The following EFNA5 variants were observed in gnomAD, a reference collection of about 807,000 sequenced individuals.
EFNA5 encodes ephrin A5.
Under a neutral mutation model 22.9 loss-of-function variants are expected in EFNA5, and 5 were observed. The observed-to-expected ratio is 0.22, with a 90% CI of 0.11 to 0.46. The LOEUF (loss-of-function observed/expected upper bound fraction) is 0.46, where lower values mean the gene tolerates loss of function less well. Among genes scored for constraint, EFNA5 ranks in the 20% least tolerant of loss-of-function variants. The pLI, the probability that EFNA5 is intolerant of heterozygous loss-of-function variation, is 0.99. For missense variants in EFNA5, 237 were observed against 293.3 expected (o/e 0.81, Z 1.40); for synonymous variants, 113 against 112.2 (o/e 1.01, Z -0.04).
At chr5:107,558,071 AT>A (rs1403505946) in intron 1 of EFNA5, among the ~76,000 whole-genome samples, 13 of 152,092 alleles carry the variant, frequency 8.5e-5, no homozygotes, top group Admixed American at 8.5e-4. Context: ...TGCTGTTATT[AT>A]TTTGCATTTT....
chr5:107,609,425 G>A (rs543357777), intron 1 of EFNA5, among the ~76,000 whole-genome samples: 1 of 151,982 alleles, frequency 6.6e-6, no homozygotes, highest in Non-Finnish European at 1.5e-5. Context: ...CCGTGACTTG[G>A]CCTCCTTTGA....
chr5:107,449,878 T>C (rs572954615), intron 1 of EFNA5, among the ~76,000 whole-genome samples: 1 of 152,282 alleles, frequency 6.6e-6, no homozygotes, highest in South Asian at 2.1e-4. Flanking sequence ...CAGGGAAAAT[T>C]TAAGATTTTG....
intron 2 of EFNA5, among the ~76,000 whole-genome samples, chr5:107,413,202 TTAA>T (rs1235779620): frequency 2.0e-5 from 3 of 152,088 alleles, no homozygotes; most frequent in Middle Eastern, 3.2e-3. Context: ...CTTTCAAAAC[TTAA>T]TAATACTTTT....
chr5:107,633,474 G>GC (rs1396996970), intron 1 of EFNA5, among the ~76,000 whole-genome samples: 1 of 152,212 alleles, frequency 6.6e-6, no homozygotes, highest in Non-Finnish European at 1.5e-5. Flanking sequence ...TGCCCTCACT[G>GC]CCGGGGCCCC....
intron 1 of EFNA5, among the ~76,000 whole-genome samples, chr5:107,624,314 G>T (rs1225209159): frequency 1.3e-5 from 2 of 152,140 alleles, no homozygotes; most frequent in Non-Finnish European, 2.9e-5. Flanking sequence ...CAATCAGACA[G>T]TGAGGAACAT....
intron 1 of EFNA5, among the ~76,000 whole-genome samples, chr5:107,438,895 T>C (rs61565565): frequency 0.032 from 4,914 of 152,294 alleles, 263 homozygotes; most frequent in African/African-American, 0.11. Flanking sequence ...TTTGAGGTCC[T>C]CCCTGCAACC....
At chr5:107,476,057 T>TATATATATATATATATATATATATATATA in intron 1 of EFNA5, among the ~76,000 whole-genome samples, 6 of 100,426 alleles carry the variant, frequency 6.0e-5, no homozygotes, top group African/African-American at 2.0e-4. Context: ...TATATATATA[T>TATATATATATATATATATATATATATATA]TTTTTTTTTT....
At chr5:107,608,552 C>A (rs777988738) in intron 1 of EFNA5, among the ~76,000 whole-genome samples, 34 of 152,208 alleles carry the variant, frequency 2.2e-4, no homozygotes, top group Non-Finnish European at 3.8e-4. Context: ...TTCCCTTTGT[C>A]CCCTGCATGT....
chr5:107,660,988 A>T (rs1302131928), intron 1 of EFNA5, among the ~76,000 whole-genome samples: 1 of 152,104 alleles, frequency 6.6e-6, no homozygotes, highest in African/African-American at 2.4e-5. Context: ...TATATGAAGA[A>T]AGCACTGAAT....
chr5:107,607,903 T>A (rs918051931), intron 1 of EFNA5, among the ~76,000 whole-genome samples: 1 of 152,128 alleles, frequency 6.6e-6, no homozygotes, highest in African/African-American at 2.4e-5. Flanking sequence ...ACTTCTCTCA[T>A]AACCTTCCAA....
rs969277619 is a variant in EFNA5 at position 107,378,669 on chromosome 5, C to T, written c.*2586G>A. On this transcript the variant is annotated 3_prime_UTR_variant, in exon 5 of 5. Coordinates refer to ENST00000333274, the MANE Select transcript of EFNA5 (RefSeq NM_001962.3). ...GGACACTCTTGCTATTTTCTTTATA[C>T]TTAATTTGCAGTGGCAGAATGGTGA... The T allele has an allele frequency of 1.3e-5, 2 of 152,098 alleles. No homozygotes were observed. The highest frequency in any genetic ancestry group is 2.9e-5 in the Non-Finnish European group (2 of 68,026). 9.4% of individuals were successfully genotyped at this position (152,098 alleles called of 1,614,324 possible). A position where few individuals can be genotyped will look rare whatever the true frequency, so the allele number is the denominator to read the frequency against.
chr5:107,521,819 T>C (rs1268491246), intron 1 of EFNA5, among the ~76,000 whole-genome samples: 4 of 151,422 alleles, frequency 2.6e-5, no homozygotes, highest in African/African-American at 7.4e-5. Context: ...TATTATTGTA[T>C]GTCTTTTTTT....
intron 1 of EFNA5, among the ~76,000 whole-genome samples, chr5:107,567,051 T>C (rs1341401077): frequency 6.6e-6 from 1 of 152,218 alleles, no homozygotes; most frequent in Non-Finnish European, 1.5e-5. Context: ...CAATGGCACT[T>C]GAACTTTTAA....
chr5:107,446,266 T>C (rs1749391126), intron 1 of EFNA5, among the ~76,000 whole-genome samples: 1 of 152,218 alleles, frequency 6.6e-6, no homozygotes, highest in African/African-American at 2.4e-5. Flanking sequence ...GTAAGAGGAA[T>C]ATATTCAATT....
intron 1 of EFNA5, among the ~76,000 whole-genome samples, chr5:107,650,591 C>G (rs775338055): frequency 6.6e-6 from 1 of 152,134 alleles, no homozygotes; most frequent in African/African-American, 2.4e-5. Context: ...AAAGCAAAAT[C>G]TGCATTTAAA....
intron 1 of EFNA5, among the ~76,000 whole-genome samples, chr5:107,637,070 C>T (rs1008795588): frequency 6.6e-6 from 1 of 152,236 alleles, no homozygotes; most frequent in Admixed American, 6.5e-5. Context: ...TACCTAAATG[C>T]TGAACTAAGC....
intron 4 of EFNA5, among the ~76,000 whole-genome samples, chr5:107,386,803 T>A (rs147069277): frequency 7.1e-4 from 108 of 152,350 alleles, no homozygotes; most frequent in Middle Eastern, 3.4e-3. Flanking sequence ...GTTTCTATTT[T>A]GTGCAATAGT....
At chr5:107,611,624 TTGTGA>T (rs1164336948) in intron 1 of EFNA5, among the ~76,000 whole-genome samples, 2 of 152,222 alleles carry the variant, frequency 1.3e-5, no homozygotes, top group Non-Finnish European at 2.9e-5. Context: ...TGGGTTCTAA[TTGTGA>T]ATATGTGAAT....
intron 1 of EFNA5, 112 bp from the exon 2 acceptor site, chr5:107,427,621 G>T: frequency 1.1e-6 from 1 of 930,220 alleles, no homozygotes; most frequent in Non-Finnish European, 1.5e-6. Context: ...AGTATAGTAA[G>T]TTCTTACTGA....
Sources: gnomAD v4.1 joint callset for allele counts (sites outside exome capture counted in the v4.1 genomes callset) on GRCh38, gnomAD v4.1.1 for gene constraint, MANE v1.5 for transcripts, NCBI Gene and HGNC (gene_info 2026-07-23, HGNC 2026-07-21) for gene names.